Variants in SEMA5B observed in about 807,000 individuals in gnomAD.
SEMA5B encodes semaphorin 5B, also known as semaphorin-5B.
In SEMA5B, 66 loss-of-function variants were observed where a neutral mutation model predicts 135.0. That is an observed-to-expected ratio of 0.49 (90% CI 0.40 to 0.60). The LOEUF (loss-of-function observed/expected upper bound fraction) is 0.60, where lower values mean the gene tolerates loss of function less well. SEMA5B is among the 20% of genes least tolerant of loss of function. The pLI is 0.00. For synonymous variants in SEMA5B, 690 were observed against 639.5 expected, an observed-to-expected ratio of 1.08 and a Z score of -1.19; for missense variants, 1,501 against 1,566.3, an observed-to-expected ratio of 0.96 and a Z score of 0.70.
chr3:122,996,353 G>A (rs775737598), intron 1 of SEMA5B, among the ~76,000 whole-genome samples: 6 of 152,240 alleles, frequency 3.9e-5, no homozygotes, highest in Non-Finnish European at 5.9e-5. Context: ...TTGGCACCAC[G>A]GCTGCTCTAG....
chr3:122,941,870 AT>A (rs1939579291), intron 4 of SEMA5B, among the ~76,000 whole-genome samples: 1 of 152,232 alleles, frequency 6.6e-6, no homozygotes, highest in Non-Finnish European at 1.5e-5. Flanking sequence ...TGGGATCTCT[AT>A]TATTTCTTAC....
intron 1 of SEMA5B, among the ~76,000 whole-genome samples, chr3:123,025,250 G>T (rs1029905846): frequency 6.6e-6 from 1 of 152,190 alleles, no homozygotes; most frequent in African/African-American, 2.4e-5. Context: ...AATAAGCCCA[G>T]CTCTCTGTCC....
At chr3:122,946,741 A>G (rs1409639760) in intron 3 of SEMA5B, among the ~76,000 whole-genome samples, 4 of 152,160 alleles carry the variant, frequency 2.6e-5, no homozygotes, top group Non-Finnish European at 4.4e-5. Flanking sequence ...GCCCCACAGC[A>G]TCCCCTTCTG....
chr3:122,935,686 C>CTTTCTTTTTTTTT (rs1939233868), intron 5 of SEMA5B, among the ~76,000 whole-genome samples: 2 of 70,258 alleles, frequency 2.8e-5, no homozygotes, highest in African/African-American at 5.7e-5. Flanking sequence ...TTCTTTCTTT[C>CTTTCTTTTTTTTT]TTTTTTTTTT....
At chr3:122,942,760 C>T (rs1576353273) in intron 4 of SEMA5B, among the ~76,000 whole-genome samples, 1 of 152,164 alleles carries the variant, frequency 6.6e-6, no homozygotes, top group East Asian at 1.9e-4. Flanking sequence ...CTGAGAAGGA[C>T]CCAAGAATCT....
chr3:122,986,593 TTGTGTG>T (rs145873533), intron 1 of SEMA5B, among the ~76,000 whole-genome samples: 125 of 144,384 alleles, frequency 8.7e-4, no homozygotes, highest in African/African-American at 1.9e-3. Flanking sequence ...CAGAGCATAT[TTGTGTG>T]TGTGTGTGTG....
chr3:122,993,392 C>G (rs79842691), intron 1 of SEMA5B: 6,726 of 152,382 alleles, frequency 0.044, 178 homozygotes, highest in Middle Eastern at 0.078. Context: ...TTCCTCAAAG[C>G]TGCCTGAGGA....
At chr3:122,944,220 C>T (rs1560338815) in intron 3 of SEMA5B, among the ~76,000 whole-genome samples, 2 of 152,174 alleles carry the variant, frequency 1.3e-5, no homozygotes, top group Non-Finnish European at 2.9e-5. Flanking sequence ...ATTCCCTAAA[C>T]TCTCCACCCC....
intron 2 of SEMA5B, among the ~76,000 whole-genome samples, chr3:122,957,576 C>G (rs541676170): frequency 6.6e-6 from 1 of 152,210 alleles, no homozygotes; most frequent in Non-Finnish European, 1.5e-5. Context: ...CAACCTACGA[C>G]CCTAAAAGAT....
At chr3:122,924,787 A>G (rs977625976) in intron 9 of SEMA5B, among the ~76,000 whole-genome samples, 14 of 152,150 alleles carry the variant, frequency 9.2e-5, no homozygotes, top group African/African-American at 3.4e-4. Context: ...GTTTATTCCT[A>G]TTCATCTTAT....
chr3:122,962,713 T>C (rs1940639878), intron 1 of SEMA5B, among the ~76,000 whole-genome samples: 1 of 152,172 alleles, frequency 6.6e-6, no homozygotes, highest in Non-Finnish European at 1.5e-5. Flanking sequence ...TCTATGGAAA[T>C]GAAGTGAGAC....
At chr3:122,964,879 A>G (rs557820409) in intron 1 of SEMA5B, among the ~76,000 whole-genome samples, 3 of 151,930 alleles carry the variant, frequency 2.0e-5, no homozygotes, top group South Asian at 2.1e-4. Context: ...TTTAATTAAC[A>G]CTCTCCCTCC....
chr3:122,938,215 C>A (rs770595947), intron 5 of SEMA5B, among the ~76,000 whole-genome samples: 5 of 152,136 alleles, frequency 3.3e-5, no homozygotes, highest in Non-Finnish European at 5.9e-5. Flanking sequence ...TAGGATGAGA[C>A]CTGGCCTTTA....
At chr3:122,976,850 G>C (rs1941341190) in intron 1 of SEMA5B, among the ~76,000 whole-genome samples, 1 of 152,178 alleles carries the variant, frequency 6.6e-6, no homozygotes, top group Non-Finnish European at 1.5e-5. Flanking sequence ...AGGAGTTCGA[G>C]ACCAGCCTTG....
chr3:122,977,790 A>AC (rs1941382193), intron 1 of SEMA5B, among the ~76,000 whole-genome samples: 1 of 152,198 alleles, frequency 6.6e-6, no homozygotes, highest in South Asian at 2.1e-4. Context: ...TCCAGGCCCC[A>AC]CCCCAGAGAT....
At position 122,913,327 on chromosome 3, in the gene SEMA5B, C is replaced by T. The variant is rs775480629; in HGVS notation, c.2378G>A (p.Arg793Gln). ...LPVNVTQGGA[R>Q]QEQRFRFTCR... ...GGTGAAGCGGAACCGCTGCTCCTGC[C>T]GTGCCCCGCCCTGCGTCACGTTCAC... The change falls in exon 17 of 23, where the codon CGG becomes CAG. Residue 793 changes from arginine to glutamine, a missense_variant. Coordinates refer to ENST00000357599, the MANE Select transcript of SEMA5B (RefSeq NM_001031702.4). 1.3e-6 allele frequency: 2 copies of T among 1,572,842 alleles called. No homozygotes were observed. Among genetic ancestry groups the T allele is most frequent in the East Asian group, 2.3e-5 (1 of 43,260 alleles).
intron 1 of SEMA5B, among the ~76,000 whole-genome samples, chr3:122,989,867 G>A (rs1941823084): frequency 1.3e-5 from 2 of 152,160 alleles, no homozygotes; most frequent in Admixed American, 1.3e-4. Context: ...CAGTTGCTGG[G>A]GGCAAACTGA....
intron 14 of SEMA5B, among the ~76,000 whole-genome samples, chr3:122,914,251 G>A (rs75654550): frequency 0.034 from 5,131 of 152,296 alleles, 286 homozygotes; most frequent in East Asian, 0.17. Flanking sequence ...AGGACGTAGA[G>A]GTAGGACATG....
intron 9 of SEMA5B, among the ~76,000 whole-genome samples, chr3:122,926,142 A>G (rs1938617003): frequency 6.6e-6 from 1 of 152,032 alleles, no homozygotes; most frequent in Admixed American, 6.5e-5. Context: ...CACCTTCATC[A>G]CCAGCATGTT....
Sources: gnomAD v4.1 joint callset for allele counts (sites outside exome capture counted in the v4.1 genomes callset) on GRCh38, gnomAD v4.1.1 for gene constraint, MANE v1.5 for transcripts, NCBI Gene and HGNC (gene_info 2026-07-23, HGNC 2026-07-21) for gene names.